The following RAB38 variants were observed in gnomAD, a reference collection of about 807,000 sequenced individuals.
RAB38 encodes RAB38, member RAS oncogene family.
A neutral mutation model predicts 18.4 loss-of-function variants in RAB38; 15 were observed. That is an observed-to-expected ratio of 0.82 (90% confidence interval 0.55 to 1.26). The LOEUF is 1.26. Ranked by LOEUF, RAB38 falls within the 50% of genes most tolerant of loss-of-function variation. The pLI, the probability that RAB38 is intolerant of heterozygous loss-of-function variation, is 0.00. For missense variants in RAB38, 294 were observed against 267.4 expected (o/e 1.10, Z -0.69); for synonymous variants, 101 against 104.4 (o/e 0.97, Z 0.20).
the RAB38 span, among the ~76,000 whole-genome samples, chr11:88,081,497 A>G: frequency 6.6e-6 from 1 of 151,962 alleles, no homozygotes; most frequent in Admixed American, 6.6e-5. Context: ...TGGAAGCTCT[A>G]AGGAAGAATC....
downstream of RAB38, among the ~76,000 whole-genome samples, chr11:88,112,889 T>C (rs1045365617): frequency 1.2e-4 from 18 of 152,120 alleles, no homozygotes; most frequent in African/African-American, 4.3e-4. Flanking sequence ...TACCTGCACG[T>C]GTCAGCACCA....
intron 2 of RAB38, among the ~76,000 whole-genome samples, chr11:88,142,933 C>G (rs1325710527): frequency 6.6e-6 from 1 of 152,216 alleles, no homozygotes; most frequent in East Asian, 1.9e-4. Context: ...CATCTGTATA[C>G]CTGTCATTAG....
chr11:88,034,594 G>A, the RAB38 span, among the ~76,000 whole-genome samples: 2 of 152,212 alleles, frequency 1.3e-5, no homozygotes, highest in Middle Eastern at 3.4e-3. Flanking sequence ...GTCACTAGTG[G>A]CTACTGATGT....
chr11:87,891,045 C>T, the RAB38 span, among the ~76,000 whole-genome samples: 1 of 151,878 alleles, frequency 6.6e-6, no homozygotes, highest in South Asian at 2.1e-4. Context: ...CACCCTCTCT[C>T]ATCTAGATTA....
At chr11:88,076,972 A>AAAAG in the RAB38 span, among the ~76,000 whole-genome samples, 209 of 77,214 alleles carry the variant, frequency 2.7e-3, 6 homozygotes, top group African/African-American at 0.012. Context: ...AAAAAAAAAA[A>AAAAG]AAAGAAAGAA....
intron 2 of RAB38, among the ~76,000 whole-genome samples, chr11:88,133,468 T>G (rs1459190652): frequency 6.6e-6 from 1 of 152,182 alleles, no homozygotes; most frequent in Non-Finnish European, 1.5e-5. Context: ...CTTGCTACTA[T>G]GCTCTTTAAG....
chr11:88,154,205 C>T (rs1394081805), intron 1 of RAB38, among the ~76,000 whole-genome samples: 1 of 152,188 alleles, frequency 6.6e-6, no homozygotes, highest in East Asian at 1.9e-4. Context: ...CAGCTGCAGA[C>T]ATTTTCCCAG....
chr11:87,853,673 G>A, the RAB38 span, among the ~76,000 whole-genome samples: 2 of 152,196 alleles, frequency 1.3e-5, no homozygotes, highest in African/African-American at 4.8e-5. Context: ...TTGGGCTAAA[G>A]AGAAAACCAA....
chr11:88,054,225 C>T, the RAB38 span, among the ~76,000 whole-genome samples: 3 of 152,180 alleles, frequency 2.0e-5, no homozygotes, highest in Non-Finnish European at 4.4e-5. Flanking sequence ...AACAGTCCCT[C>T]TAACTGGCCT....
At chr11:88,129,581 T>G (rs1381492095) in intron 2 of RAB38, among the ~76,000 whole-genome samples, 1 of 151,876 alleles carries the variant, frequency 6.6e-6, no homozygotes, top group Non-Finnish European at 1.5e-5. Context: ...GTGGAGGAGG[T>G]TGCAGTGAGC....
the RAB38 span, among the ~76,000 whole-genome samples, chr11:88,025,496 C>G: frequency 2.6e-5 from 4 of 152,154 alleles, no homozygotes; most frequent in African/African-American, 9.7e-5. Flanking sequence ...ATATTTTCAC[C>G]AACAGTGTAT....
At chr11:88,044,406 T>C in the RAB38 span, among the ~76,000 whole-genome samples, 1 of 152,072 alleles carries the variant, frequency 6.6e-6, no homozygotes, top group South Asian at 2.1e-4. Flanking sequence ...TCCTTCACTA[T>C]GGGCAGCCTT....
At chr11:88,112,564 A>T (rs1942487627), downstream of RAB38, among the ~76,000 whole-genome samples, 3 of 152,168 alleles carry the variant, frequency 2.0e-5, no homozygotes, top group Admixed American at 6.5e-5. Flanking sequence ...ACTAAAGTCA[A>T]GACCCTTACA....
the RAB38 span, among the ~76,000 whole-genome samples, chr11:87,885,113 T>C: frequency 6.6e-6 from 1 of 152,030 alleles, no homozygotes; most frequent in African/African-American, 2.4e-5. Flanking sequence ...TGGGAACTAC[T>C]AATTTAAGAG....
chr11:87,893,371 C>CATATATATATGTATATATATATATATAT, the RAB38 span, among the ~76,000 whole-genome samples: 1 of 86,444 alleles, frequency 1.2e-5, no homozygotes, highest in African/African-American at 4.3e-5. Context: ...ATATATTTTA[C>CATATATATATGTATATATATATATATAT]ATATATATAT....
chr11:88,030,756 A>G, the RAB38 span, among the ~76,000 whole-genome samples: 13 of 152,214 alleles, frequency 8.5e-5, no homozygotes, highest in Non-Finnish European at 1.9e-4. Flanking sequence ...AACCAAAAAG[A>G]GTCCAGGACA....
chr11:88,096,355 C>T, the RAB38 span, among the ~76,000 whole-genome samples: 3 of 151,822 alleles, frequency 2.0e-5, no homozygotes, highest in Non-Finnish European at 2.9e-5. Context: ...CTTGGTTACT[C>T]AATTCCCCCG....
the RAB38 span, among the ~76,000 whole-genome samples, chr11:87,910,720 A>G: frequency 2.4e-3 from 342 of 144,816 alleles, 2 homozygotes; most frequent in African/African-American, 8.5e-3. Context: ...GGCTTACTGC[A>G]ATCTTCGACT....
the RAB38 span, among the ~76,000 whole-genome samples, chr11:87,912,765 T>C: frequency 9.5e-5 from 13 of 136,968 alleles, no homozygotes; most frequent in Non-Finnish European, 1.4e-4. Flanking sequence ...TTTCTTTCTT[T>C]CTTTTTTTTT....
Sources: gnomAD v4.1 joint callset for allele counts (sites outside exome capture counted in the v4.1 genomes callset) on GRCh38, gnomAD v4.1.1 for gene constraint, MANE v1.5 for transcripts, NCBI Gene and HGNC (gene_info 2026-07-23, HGNC 2026-07-21) for gene names.